PPP1R2: variants seen among roughly 807,000 people sequenced by gnomAD.
PPP1R2 encodes protein phosphatase inhibitor 2.
A neutral mutation model predicts 29.9 loss-of-function variants in PPP1R2; 16 were observed. The ratio of observed to expected loss-of-function variants is 0.53; its 90% CI spans 0.36 to 0.81. PPP1R2 has a LOEUF of 0.81. Ranked by LOEUF, PPP1R2 falls within the 30% of genes least tolerant of loss-of-function variation. The pLI, the probability that PPP1R2 is intolerant of heterozygous loss-of-function variation, is 0.00. For missense variants in PPP1R2, 197 were observed against 252.7 expected (o/e 0.78, Z 1.49); for synonymous variants, 76 against 91.5 (o/e 0.83, Z 0.96).
In PPP1R2 at chr3:195,523,739, T is replaced by C; in HGVS notation, c.356A>G (p.Gln119Arg). The C allele has an allele frequency of 6.2e-7, 1 of 1,614,210 alleles. No homozygotes were observed. Among genetic ancestry groups the C allele is most frequent in the African/African-American group, 1.3e-5 (1 of 75,072 alleles). ...GLEPKYRIQE[Q>R]ESSGEEDSDL... ...ACTATCCTCCTCTCCACTGCTTTCTTGTTCCTGAATCCGATACTTTGGCTC... is the reference window on the plus strand; with the variant it reads ...ACTATCCTCCTCTCCACTGCTTTCTCGTTCCTGAATCCGATACTTTGGCTC... The change falls in exon 4 of 6, where the codon CAA (glutamine) becomes CGA (arginine). Residue 119 changes from glutamine (Q) to arginine (R), a missense_variant. Gln to Arg is a conservative substitution (Grantham distance 43). Transcript: ENST00000618156.
At chr3:195,529,593 G>A (rs1436559469) in intron 2 of PPP1R2, 1 of 446,348 alleles carries the variant, frequency 2.2e-6, no homozygotes, top group African/African-American at 2.0e-5. Context: ...CCATTATAAT[G>A]TACAAAATGG....
chr3:195,524,707 G>T, intron 3 of PPP1R2, 112 bp downstream of exon 3: 1 of 979,378 alleles, frequency 1.0e-6, no homozygotes, highest in Non-Finnish European at 1.6e-6. Context: ...AAAACATGTT[G>T]ATCAACAGCC....
At chr3:195,531,478 C>T (rs1719176726) in intron 1 of PPP1R2, among the ~76,000 whole-genome samples, 1 of 152,174 alleles carries the variant, frequency 6.6e-6, no homozygotes, top group Non-Finnish European at 1.5e-5. Flanking sequence ...TTCCCTTTTC[C>T]ATACTCTCAA....
rs141935096 is a variant in PPP1R2, at chr3:195,540,232, G to C, written c.122+2672C>G. Among the ~76,000 whole-genome samples, 687 of 152,282 alleles carry C rather than the reference G, an allele frequency of 4.5e-3. 5 individuals are homozygous for C. Among genetic ancestry groups the C allele is most frequent in the African/African-American group, 0.015 (624 of 41,536 alleles). ...CAGTGCACCGTTCACAGCCGAGGTA[G>C]CATGTTCCCAGATGGGGTCAAACAA... On this transcript the variant is annotated intron_variant, in intron 1 of 5. Coordinates refer to ENST00000618156, the MANE Select transcript of PPP1R2 (RefSeq NM_006241.8).
intron 5 of PPP1R2, 112 bp downstream of exon 5, chr3:195,518,905 AG>A (rs1245284966): frequency 6.7e-5 from 100 of 1,486,298 alleles, no homozygotes; most frequent in Non-Finnish European, 8.6e-5. Context: ...GGTATAATAA[AG>A]CGAATCTCAG....
chr3:195,524,545 C>CT (rs1244112649), intron 3 of PPP1R2, among the ~76,000 whole-genome samples: 1 of 152,102 alleles, frequency 6.6e-6, no homozygotes, highest in Non-Finnish European at 1.5e-5. Flanking sequence ...TAAAACCCCC[C>CT]ACAGGGAAGT....
chr3:195,520,681 C>T (rs116362861), intron 4 of PPP1R2, among the ~76,000 whole-genome samples: 2,974 of 151,952 alleles, frequency 0.02, 99 homozygotes, highest in African/African-American at 0.069. Context: ...GTACTTTCTT[C>T]TTTTTTTTAA....
chr3:195,542,624 C>A (rs1350209020), intron 1 of PPP1R2, among the ~76,000 whole-genome samples: 3 of 151,988 alleles, frequency 2.0e-5, no homozygotes, highest in Admixed American at 2.0e-4. Context: ...AGATCTGAAG[C>A]TTCAATTTCA....
At chr3:195,532,161 G>C (rs1719203349) in intron 1 of PPP1R2, among the ~76,000 whole-genome samples, 1 of 151,288 alleles carries the variant, frequency 6.6e-6, no homozygotes, top group Non-Finnish European at 1.5e-5. Context: ...CTCCTGACTA[G>C]GTGGGACCAC....
At chr3:195,531,757 G>A (rs1478796250) in intron 1 of PPP1R2, among the ~76,000 whole-genome samples, 1 of 152,086 alleles carries the variant, frequency 6.6e-6, no homozygotes, top group African/African-American at 2.4e-5. Context: ...ACAATTCTAT[G>A]GCATTAAGAA....
chr3:195,519,197 A>C lies in PPP1R2; in HGVS notation c.404-12T>G. 3 of 1,584,100 alleles carry C rather than the reference A, an allele frequency of 1.9e-6. No individual in the cohort carries two copies. Among genetic ancestry groups the C allele is most frequent in the Non-Finnish European group, 2.6e-6 (3 of 1,164,124 alleles). The stretch of plus-strand genomic sequence containing the variant: ...TTGTCGCTTTTTTTCTATAAGATGC[A>C]AAATGTAAACTTAGGAAGTTTGAGC... On this transcript the variant is annotated splice_polypyrimidine_tract_variant and intron_variant, in intron 4 of 5. Coordinates refer to ENST00000618156, the MANE Select transcript of PPP1R2 (RefSeq NM_006241.8).
chr3:195,521,314 C>CAAA (rs869228346), intron 4 of PPP1R2, among the ~76,000 whole-genome samples: 18,115 of 56,470 alleles, frequency 0.32, 4,731 homozygotes, highest in Non-Finnish European at 0.37. Context: ...GACTCTGTCT[C>CAAA]AAAAAAAAAA....
intron 1 of PPP1R2, among the ~76,000 whole-genome samples, chr3:195,539,606 C>G (rs1216410270): frequency 6.6e-6 from 1 of 152,034 alleles, no homozygotes; most frequent in African/African-American, 2.4e-5. Context: ...CATTTGAGAG[C>G]AGGAGATGGA....
At chr3:195,524,965 A>G in intron 2 of PPP1R2, 69 bp from the exon 3 acceptor site, 2 of 1,322,954 alleles carry the variant, frequency 1.5e-6, no homozygotes, top group Non-Finnish European at 2.2e-6. Context: ...CAAGGGAGAA[A>G]AACAATTCCA....
chr3:195,527,820 T>G (rs1250601391), intron 2 of PPP1R2: 1 of 305,316 alleles, frequency 3.3e-6, no homozygotes, highest in African/African-American at 2.2e-5. Flanking sequence ...GTGCTATAAC[T>G]GTGCCTGTTA....
Position 195,529,830 on chromosome 3 carries a change from A to C in PPP1R2, c.194T>G (p.Leu65Ter). 6.2e-7 allele frequency: 1 copy of C among 1,610,068 alleles called. No homozygotes were observed. The highest frequency in any genetic ancestry group is 1.1e-5 in the South Asian group (1 of 90,052). ...TYHPADKDYG[L>*]MKIDEPSTPY... Reference sequence around the variant, plus strand: ...AGTGCTTGGTTCATCTATTTTCATTAAACCATAGTCTTTGTCTGCTGGATG... The same window carrying C: ...AGTGCTTGGTTCATCTATTTTCATTCAACCATAGTCTTTGTCTGCTGGATG... Residue 65 changes from leucine (L) to a stop codon, truncating the protein, a stop_gained, in exon 2 of 6, where the codon TTA (leucine) becomes TGA (stop). Transcript: ENST00000618156. LOFTEE classifies it high-confidence loss of function.
At chr3:195,523,540 A>T in intron 4 of PPP1R2, 152 bp downstream of exon 4, 1 of 637,758 alleles carries the variant, frequency 1.6e-6, no homozygotes, top group African/African-American at 1.8e-5. Context: ...AACAAAACAC[A>T]CAAGTAGTAT....
At chr3:195,520,112 C>T (rs377195310) in intron 4 of PPP1R2, among the ~76,000 whole-genome samples, 3 of 151,956 alleles carry the variant, frequency 2.0e-5, no homozygotes, top group African/African-American at 4.8e-5. Flanking sequence ...TAGGTTTAAG[C>T]GATTCTCCTG....
At position 195,515,836 on chromosome 3, in the gene PPP1R2, T is replaced by C. The variant is rs1718524848; in HGVS notation, c.*1060A>G. ...AATAATAGCCATTTAATTAGCAATCTGTAAATCAGAGAGGTATAGAAATTC... is the reference window on the plus strand; with the variant it reads ...AATAATAGCCATTTAATTAGCAATCCGTAAATCAGAGAGGTATAGAAATTC... On this transcript the variant is annotated 3_prime_UTR_variant, in exon 6 of 6. Coordinates refer to ENST00000618156, the MANE Select transcript of PPP1R2 (RefSeq NM_006241.8). 1 of 152,178 alleles carries C rather than the reference T, an allele frequency of 6.6e-6. No homozygotes were observed. The highest frequency in any genetic ancestry group is 6.5e-5 in the Admixed American group (1 of 15,268). 9.4% of individuals were successfully genotyped at this position (152,178 alleles called of 1,614,324 possible). A position where few individuals can be genotyped will look rare whatever the true frequency, so the allele number is the denominator to read the frequency against.
Sources: allele counts gnomAD v4.1 joint callset (sites outside exome capture counted in the v4.1 genomes callset), GRCh38; gene constraint gnomAD v4.1.1; transcripts MANE v1.5; gene names NCBI Gene and HGNC (gene_info 2026-07-23, HGNC 2026-07-21).